CYP2B6: variants seen among roughly 807,000 people sequenced by gnomAD.
The protein encoded by CYP2B6 is cytochrome P450 family 2 subfamily B member 6.
A neutral mutation model predicts 43.4 loss-of-function variants in CYP2B6; 35 were observed. The observed-to-expected ratio is 0.81, with a 90% CI of 0.62 to 1.07. The LOEUF is 1.07. Ranked by LOEUF, CYP2B6 falls within the 50% of genes least tolerant of loss-of-function variation. The pLI is 0.00. For missense variants in CYP2B6, 624 were observed against 632.8 expected (o/e 0.99, Z 0.15); for synonymous variants, 239 against 239.2 (o/e 1.00, Z 0.01).
At chr19:40,998,302 A>C (rs1954205675) in intron 1 of CYP2B6, among the ~76,000 whole-genome samples, 1 of 152,102 alleles carries the variant, frequency 6.6e-6, no homozygotes, top group African/African-American at 2.4e-5. Flanking sequence ...TTGGTATCCC[A>C]CTGCCCGCTT....
At chr19:41,016,433 A>AAAAAAAAAAAAAAAAAAAGAGAG (rs1568564700) in intron 8 of CYP2B6, among the ~76,000 whole-genome samples, 1 of 98,958 alleles carries the variant, frequency 1.0e-5, no homozygotes, top group Non-Finnish European at 2.0e-5. Flanking sequence ...AAAAAAAAAA[A>AAAAAAAAAAAAAAAAAAAGAGAG]AGAGAGAGAG....
intron 1 of CYP2B6, among the ~76,000 whole-genome samples, chr19:40,994,762 T>A (rs923773336): frequency 6.6e-6 from 1 of 152,180 alleles, no homozygotes; most frequent in African/African-American, 2.4e-5. Context: ...ATTTCCTATA[T>A]TTAGTAGTGA....
intron 8 of CYP2B6, among the ~76,000 whole-genome samples, chr19:41,013,535 G>T (rs1350598923): frequency 6.6e-6 from 1 of 152,174 alleles, no homozygotes; most frequent in Non-Finnish European, 1.5e-5. Flanking sequence ...ACGTGATATG[G>T]CACCATTGAG....
At chr19:41,014,369 G>C (rs568637622) in intron 8 of CYP2B6, among the ~76,000 whole-genome samples, 1 of 150,990 alleles carries the variant, frequency 6.6e-6, no homozygotes, top group Non-Finnish European at 1.5e-5. Context: ...GCAGTGTCAC[G>C]ATCACAGCTC....
At chr19:41,010,409 GTT>G (rs57062123) in intron 6 of CYP2B6, among the ~76,000 whole-genome samples, 2 of 140,958 alleles carry the variant, frequency 1.4e-5, no homozygotes, top group Non-Finnish European at 1.6e-5. Flanking sequence ...TTGTTTTTTG[GTT>G]TTTTTTTTTT....
In CYP2B6 at chr19:41,006,946, G is replaced by T; in HGVS notation, c.526G>T (p.Ala176Ser). Residue 176 changes from alanine (A) to serine (S), a missense_variant, in exon 4 of 9, where the codon GCC becomes TCC. Coordinates refer to ENST00000324071, the MANE Select transcript of CYP2B6 (RefSeq NM_000767.5). ...DPTFLFQSIT[A>S]NIICSIVFGK... is the part of the protein sequence containing the mutation. ...CACCTTCCTCTTCCAGTCCATTACC[G>T]CCAACATCATCTGCTCCATCGTCTT... 6.2e-7 allele frequency: 1 copy of T among 1,613,824 alleles called. No homozygotes were observed. The highest frequency in any genetic ancestry group is 8.5e-7 in the Non-Finnish European group (1 of 1,180,000).
intron 5 of CYP2B6, chr19:41,009,596 G>A (rs1969246295): frequency 6.2e-6 from 4 of 647,116 alleles, no homozygotes; most frequent in South Asian, 4.0e-5. Flanking sequence ...ATAGGGAGGA[G>A]GAACTGAGAC....
chr19:41,000,316 C>T (rs1334745057), intron 1 of CYP2B6, among the ~76,000 whole-genome samples: 1 of 152,098 alleles, frequency 6.6e-6, no homozygotes, highest in Non-Finnish European at 1.5e-5. Flanking sequence ...CACTTCCAGA[C>T]AAGGAAGGCC....
chr19:41,013,811 G>A (rs1295086826), intron 8 of CYP2B6, among the ~76,000 whole-genome samples: 170 of 152,194 alleles, frequency 1.1e-3, no homozygotes, highest in African/African-American at 3.9e-3. Flanking sequence ...GGCAGCACAA[G>A]GAACCAGTAA....
rs1969373735 is a variant in CYP2B6, at chr19:41,016,707, C to T, written c.1356C>T (p.Thr452=). Residue 452 remains threonine (T), a synonymous_variant, in exon 9 of 9, where the codon ACC becomes ACT. Coordinates refer to ENST00000324071, the MANE Select transcript of CYP2B6 (RefSeq NM_000767.5). ...CGGAATTGTTCCTCTTCTTCACCAC[C>T]ATCCTCCAGAACTTCTCCATGGCCA... The part of the protein sequence containing the change: ...ARAELFLFFT[T]ILQNFSMASP... 6.2e-7 allele frequency: 1 copy of T among 1,614,122 alleles called. No homozygotes were observed. The highest frequency in any genetic ancestry group is 1.7e-5 in the Admixed American group (1 of 60,010).
intron 1 of CYP2B6, among the ~76,000 whole-genome samples, chr19:40,996,695 A>T (rs1969004438): frequency 3.3e-5 from 5 of 152,262 alleles, no homozygotes; most frequent in African/African-American, 9.6e-5. Flanking sequence ...GTCATGGAAT[A>T]CGGAGCTTTT....
chr19:41,001,389 G>A (rs1051657831), intron 1 of CYP2B6, among the ~76,000 whole-genome samples: 1 of 152,106 alleles, frequency 6.6e-6, no homozygotes, highest in African/African-American at 2.4e-5. Context: ...TGGGGGTGGG[G>A]TAAAGAGGGA....
At chr19:41,003,012 A>T (rs76960340) in intron 1 of CYP2B6, among the ~76,000 whole-genome samples, 202 of 151,964 alleles carry the variant, frequency 1.3e-3, no homozygotes, top group African/African-American at 4.7e-3. Context: ...ACCCTCACTG[A>T]TTGTCTATAT....
chr19:41,007,060 G>A lies in CYP2B6; in HGVS notation c.640G>A (p.Gly214Ser). ...QTFSLISSVF[G>S]QLFELFSGFL... ...TTTTTCACTCATCAGCTCTGTATTC[G>A]GCCAGGTCAGGGAGACGGAGAGGGA... The change falls in exon 4 of 9, where the codon GGC becomes AGC. Residue 214 changes from glycine to serine, a missense_variant. Coordinates refer to ENST00000324071, the MANE Select transcript of CYP2B6 (RefSeq NM_000767.5). 3 of 1,614,040 alleles carry A rather than the reference G, an allele frequency of 1.9e-6. No homozygotes were observed. The highest frequency in any genetic ancestry group is 2.2e-5 in the East Asian group (1 of 44,880).
intron 4 of CYP2B6, among the ~76,000 whole-genome samples, chr19:41,007,816 G>A (rs1457123932): frequency 6.6e-6 from 1 of 152,022 alleles, no homozygotes; most frequent in Non-Finnish European, 1.5e-5. Context: ...AGTAGAGACG[G>A]GGTTTCGCCA....
At chr19:41,016,611 C>T in intron 8 of CYP2B6, 35 bp from the exon 9 acceptor site, 2 of 1,611,994 alleles carry the variant, frequency 1.2e-6, no homozygotes, top group Non-Finnish European at 1.7e-6. Context: ...ATGCACCTGC[C>T]CTGTGCCCAC....
At chr19:41,000,209 A>T (rs1337338267) in intron 1 of CYP2B6, among the ~76,000 whole-genome samples, 1 of 152,072 alleles carries the variant, frequency 6.6e-6, no homozygotes, top group Admixed American at 6.5e-5. Context: ...CCAGGTCCCC[A>T]TCATATGCTC....
intron 4 of CYP2B6, among the ~76,000 whole-genome samples, chr19:41,008,640 C>T (rs1404841698): frequency 6.6e-6 from 1 of 150,890 alleles, no homozygotes; most frequent in Non-Finnish European, 1.5e-5. Flanking sequence ...GAAGGAGACC[C>T]ACCAGACAGT....
rs1209204296 is a variant in CYP2B6 at position 41,006,756 on chromosome 19, G to A, written c.485-149G>A. ...TGTAGTGAGAGTTCAATGGAATTAC[G>A]CGTGACGTGCTGGTACATAATTAGC... On this transcript the variant is annotated intron_variant, in intron 3 of 8. Transcript: ENST00000324071. 4.4e-4 allele frequency: 326 copies of A among 735,576 alleles called. 1 individual carries two copies. The highest frequency in any genetic ancestry group is 3.9e-3 in the African/African-American group (227 of 57,700). The allele number at this position is 735,576 out of a possible 1,614,324, so 45.6% of individuals were successfully genotyped here.
Sources: gnomAD v4.1 joint callset for allele counts (sites outside exome capture counted in the v4.1 genomes callset) on GRCh38, gnomAD v4.1.1 for gene constraint, MANE v1.5 for transcripts, NCBI Gene and HGNC (gene_info 2026-07-23, HGNC 2026-07-21) for gene names.